Variants in ZC2HC1B observed in about 807,000 individuals in gnomAD.
ZC2HC1B encodes the protein zinc finger C2HC domain-containing protein 1B.
In ZC2HC1B, 36 loss-of-function variants were observed where a neutral mutation model predicts 31.0. The observed-to-expected ratio is 1.16, with a 90% CI of 0.89 to 1.54. The LOEUF is 1.54. Among genes scored for constraint, ZC2HC1B ranks in the 40% most tolerant of loss-of-function variants. The pLI, the probability that ZC2HC1B is intolerant of heterozygous loss-of-function variation, is 0.00. For synonymous variants in ZC2HC1B, 73 were observed against 88.0 expected, an observed-to-expected ratio of 0.83 and a Z score of 0.95; for missense variants, 260 against 268.6, an observed-to-expected ratio of 0.97 and a Z score of 0.22.
In ZC2HC1B at chr6:143,936,105, A is replaced by G. The variant is rs143644451; in HGVS notation, c.599-1544A>G. Among the ~76,000 whole-genome samples the G allele has an allele frequency of 1.4e-4, 22 of 152,268 alleles. No homozygotes were observed. In the East Asian group the frequency reaches 3.3e-3, roughly 23 times the overall value. Reference sequence around the variant, plus strand: ...TAGTATCTTGTACCTCCCACATATAACAGTTTTAAAATTCATACCAGAGGA... The same window carrying G: ...TAGTATCTTGTACCTCCCACATATAGCAGTTTTAAAATTCATACCAGAGGA... On this transcript the variant is annotated intron_variant, in intron 6 of 7. Transcript: ENST00000237275.
At chr6:143,912,162 C>T (rs1432335378) in intron 6 of ZC2HC1B, among the ~76,000 whole-genome samples, 1 of 152,120 alleles carries the variant, frequency 6.6e-6, no homozygotes, top group African/African-American at 2.4e-5. Flanking sequence ...CTCTCGGCTC[C>T]TGTATTGTTT....
chr6:143,934,324 C>T lies in ZC2HC1B; in HGVS notation c.599-3325C>T, dbSNP rs1012777541. 2.6e-4 allele frequency among the ~76,000 whole-genome samples: 40 copies of T among 152,318 alleles called. No individual in the cohort carries two copies. The highest frequency in any genetic ancestry group is 7.0e-4 in the African/African-American group (29 of 41,570). ...AGCAAACGACCACAGAGTGAGTGTC[C>T]ACACGCTGTTCTGTCCATCCAAGTG... On this transcript the variant is annotated intron_variant, in intron 6 of 7. Coordinates refer to ENST00000237275, the MANE Select transcript of ZC2HC1B (RefSeq NM_001013623.3). This position sits in a 1 kb window ranked among gnomAD's most constrained non-coding sequence, Gnocchi z 4.6.
intron 6 of ZC2HC1B, among the ~76,000 whole-genome samples, chr6:143,932,847 G>T (rs1171884902): frequency 6.6e-6 from 1 of 152,156 alleles, no homozygotes. Flanking sequence ...TGTCCCACAG[G>T]GTGAACCCTT....
At chr6:143,892,297 C>CTT (rs35514285) in intron 4 of ZC2HC1B, among the ~76,000 whole-genome samples, 27 of 135,154 alleles carry the variant, frequency 2.0e-4, no homozygotes, top group Admixed American at 1.2e-3. Flanking sequence ...GTGACAGGCT[C>CTT]TTTTTTTTTT....
Position 143,934,451 on chromosome 6 carries a change from A to AT in ZC2HC1B, c.599-3191dup, listed in dbSNP as rs943375756. Among the ~76,000 whole-genome samples the AT allele has an allele frequency of 7.9e-5, 12 of 152,126 alleles. No homozygotes were observed. The highest frequency in any genetic ancestry group is 1.3e-4 in the Non-Finnish European group (9 of 67,992). Reference sequence around the variant, plus strand: ...GAATTCCTTTTCTGGCATTTCATCAATTTTTTTGTTGCAATCTGTTGCTGG... The same window carrying AT: ...GAATTCCTTTTCTGGCATTTCATCAATTTTTTTTGTTGCAATCTGTTGCTGG... On this transcript the variant is annotated intron_variant, in intron 6 of 7. Coordinates refer to ENST00000237275, the MANE Select transcript of ZC2HC1B (RefSeq NM_001013623.3). This position sits in a 1 kb window ranked among gnomAD's most constrained non-coding sequence, Gnocchi z 4.6.
chr6:143,882,162 G>T (rs186535469), intron 1 of ZC2HC1B, among the ~76,000 whole-genome samples: 150 of 151,490 alleles, frequency 9.9e-4, no homozygotes, highest in Non-Finnish European at 1.5e-3. Flanking sequence ...TCACTGTAAG[G>T]ATCACATGAG....
In ZC2HC1B at chr6:143,873,533, C is replaced by T. The variant is rs567193598; in HGVS notation, c.28+8966C>T. 2.0e-5 allele frequency among the ~76,000 whole-genome samples: 3 copies of T among 152,362 alleles called. No homozygotes were observed. The South Asian group carries it at 6.2e-4, about 32-fold the overall frequency. ...CTAGCAGAGGTTCTCCATGAGGACC[C>T]CACCCCTGCAGCAAACTTTTGCCTG... On this transcript the variant is annotated intron_variant, in intron 1 of 7. Transcript: ENST00000237275.
Position 143,871,992 on chromosome 6 carries a change from G to A in ZC2HC1B, c.28+7425G>A, listed in dbSNP as rs561561731. Among the ~76,000 whole-genome samples, 5 of 152,264 alleles carry A rather than the reference G, an allele frequency of 3.3e-5. No individual in the cohort carries two copies. The highest frequency in any genetic ancestry group is 3.9e-4 in the East Asian group (2 of 5,182). On this transcript the variant is annotated intron_variant, in intron 1 of 7. Transcript: ENST00000237275. This position sits in a 1 kb window ranked among gnomAD's most constrained non-coding sequence, Gnocchi z 4.1. ...ACGTTAACTGGAGGACCATAATGACGTTTTGGGTCCCCTGGAATCAACATC... is the reference window on the plus strand; with the variant it reads ...ACGTTAACTGGAGGACCATAATGACATTTTGGGTCCCCTGGAATCAACATC...
In ZC2HC1B at chr6:143,913,327, A is replaced by G. The variant is rs1215532650; in HGVS notation, c.598+10175A>G. On this transcript the variant is annotated intron_variant, in intron 6 of 7. Transcript: ENST00000237275. The surrounding 1 kb of genome is among the most constrained non-coding windows in gnomAD (Gnocchi z 5.7). ...CTTGTCTGGACGGTTTCGACTCTCCAGAGTCCACAGGCTGGAATAGCTGAA... is the reference window on the plus strand; with the variant it reads ...CTTGTCTGGACGGTTTCGACTCTCCGGAGTCCACAGGCTGGAATAGCTGAA... 6.6e-6 allele frequency among the ~76,000 whole-genome samples: 1 copy of G among 152,212 alleles called. No homozygotes were observed. Among genetic ancestry groups the G allele is most frequent in the Non-Finnish European group, 1.5e-5 (1 of 68,024 alleles).
rs1777665174 is a variant in ZC2HC1B at position 143,896,245 on chromosome 6, G to A, written c.350-2307G>A. On this transcript the variant is annotated intron_variant, in intron 4 of 7. Transcript: ENST00000237275. ...TGGCAGGGAAATAGACTTCAACTTT[G>A]CTGTCTCCATGGTGATATGTAGTAC... Among the ~76,000 whole-genome samples, 3 of 152,162 alleles carry A rather than the reference G, an allele frequency of 2.0e-5. No individual in the cohort carries two copies. The South Asian group carries it at 6.2e-4, about 32-fold the overall frequency.
chr6:143,938,298 C>T lies in ZC2HC1B; in HGVS notation c.*171C>T, dbSNP rs534896745. Reference sequence around the variant, plus strand: ...AACTTGCTTCAGATTTTTATTTACTCCCTTTGAAGTTTTCAAAACAAAAGC... The same window carrying T: ...AACTTGCTTCAGATTTTTATTTACTTCCTTTGAAGTTTTCAAAACAAAAGC... On this transcript the variant is annotated 3_prime_UTR_variant, in exon 8 of 8. Transcript: ENST00000237275. This position sits in a 1 kb window ranked among gnomAD's most constrained non-coding sequence, Gnocchi z 4.2. 1 of 152,348 alleles carries T rather than the reference C, an allele frequency of 6.6e-6. No homozygotes were observed. The highest frequency in any genetic ancestry group is 2.1e-4 in the South Asian group (1 of 4,828). 9.4% of individuals were successfully genotyped at this position (152,348 alleles called of 1,614,324 possible).
intron 1 of ZC2HC1B, among the ~76,000 whole-genome samples, chr6:143,875,657 C>T (rs1006152321): frequency 6.6e-6 from 1 of 150,592 alleles, no homozygotes; most frequent in African/African-American, 2.5e-5. Context: ...GTGTATCGCA[C>T]CTCCTCATGG....
chr6:143,867,651 G>C (rs534195435), intron 1 of ZC2HC1B, among the ~76,000 whole-genome samples: 1 of 152,210 alleles, frequency 6.6e-6, no homozygotes, highest in Non-Finnish European at 1.5e-5. Context: ...GGGAGAGCAG[G>C]CACTTTATTA....
intron 6 of ZC2HC1B, among the ~76,000 whole-genome samples, chr6:143,912,366 G>A (rs890795625): frequency 1.3e-5 from 2 of 152,128 alleles, no homozygotes; most frequent in Non-Finnish European, 2.9e-5. Context: ...AGTTTTCAGT[G>A]TTTTTGCATT....
chr6:143,886,822 G>T lies in ZC2HC1B; in HGVS notation c.349+1G>T, dbSNP rs1297804813. The T allele has an allele frequency of 1.7e-5, 26 of 1,519,128 alleles. No homozygotes were observed. In the East Asian group the frequency reaches 5.4e-4, roughly 32 times the overall value. 94.1% of individuals were successfully genotyped at this position (1,519,128 alleles called of 1,614,324 possible). A position where few individuals can be genotyped will look rare whatever the true frequency, so the allele number is the denominator to read the frequency against. Reference sequence around the variant, plus strand: ...CCACCCCCTCCATCCTTGAACCCAGGTGTGTAGACATTTTGGGTTGCTTTT... The same window carrying T: ...CCACCCCCTCCATCCTTGAACCCAGTTGTGTAGACATTTTGGGTTGCTTTT... On this transcript the variant is annotated splice_donor_variant, in intron 4 of 7. Transcript: ENST00000237275. LOFTEE classifies it high-confidence loss of function. This position sits in a 1 kb window ranked among gnomAD's most constrained non-coding sequence, Gnocchi z 4.2.
intron 6 of ZC2HC1B, among the ~76,000 whole-genome samples, chr6:143,935,693 C>T (rs142640847): frequency 2.8e-5 from 3 of 106,286 alleles, no homozygotes; most frequent in South Asian, 3.5e-4. Flanking sequence ...ATCTCTCTGT[C>T]GCCCAGGCTA....
intron 6 of ZC2HC1B, among the ~76,000 whole-genome samples, chr6:143,912,747 T>G (rs1777875123): frequency 6.6e-6 from 1 of 152,190 alleles, no homozygotes; most frequent in South Asian, 2.1e-4. Flanking sequence ...AAAGAAGCAG[T>G]CTGGATGCTT....
At chr6:143,897,102 T>C (rs1777677689) in intron 4 of ZC2HC1B, among the ~76,000 whole-genome samples, 1 of 152,076 alleles carries the variant, frequency 6.6e-6, no homozygotes. Flanking sequence ...TTTTAGGAAA[T>C]GATTTGTTCA....
rs1777699418 is a variant in ZC2HC1B, at chr6:143,898,655, A to G, written c.453A>G (p.Pro151=). The G allele has an allele frequency of 1.9e-6, 3 of 1,551,956 alleles. No individual in the cohort carries two copies. Among genetic ancestry groups the G allele is most frequent in the African/African-American group, 2.7e-5 (2 of 73,052 alleles). The change falls in exon 5 of 8, where the codon CCA becomes CCG. Residue 151 remains proline (P), a synonymous_variant. Coordinates refer to ENST00000237275, the MANE Select transcript of ZC2HC1B (RefSeq NM_001013623.3). The part of the protein sequence containing the change: ...KDQSSRRVFN[P]AQTAAKLASR... ...AGTCTTCTCGCCGAGTCTTTAATCC[A>G]GCTCAGACAGCAGCCAAATTGGCAT...
Sources: gnomAD v4.1 joint callset for allele counts (sites outside exome capture counted in the v4.1 genomes callset) on GRCh38, gnomAD v4.1.1 for gene constraint, Gnocchi (gnomAD v3.1) non-coding constraint, MANE v1.5 for transcripts, NCBI Gene and HGNC (gene_info 2026-07-23, HGNC 2026-07-21) for gene names.